PLCB1: variants seen among roughly 807,000 people sequenced by gnomAD.
PLCB1 encodes the protein 1-phosphatidylinositol 4,5-bisphosphate phosphodiesterase beta-1.
A neutral mutation model predicts 161.8 loss-of-function variants in PLCB1; 46 were observed. The ratio of observed to expected loss-of-function variants is 0.28; its 90% CI spans 0.22 to 0.36. The LOEUF (loss-of-function observed/expected upper bound fraction) is 0.36. Ranked by LOEUF, PLCB1 falls within the 10% of genes least tolerant of loss-of-function variation. The probability of loss-of-function intolerance (pLI) is 1.00; values close to 1 mark genes in which losing one functional copy is unlikely to be tolerated. For missense variants in PLCB1, 1,016 were observed against 1,472.5 expected, an observed-to-expected ratio of 0.69 and a Z score of 5.07; for synonymous variants, 517 against 503.7, an observed-to-expected ratio of 1.03 and a Z score of -0.35.
At chr20:8,136,499 G>T (rs560134666) in intron 1 of PLCB1, among the ~76,000 whole-genome samples, 1 of 151,960 alleles carries the variant, frequency 6.6e-6, no homozygotes, top group South Asian at 2.1e-4. Context: ...GGTGGCGGGC[G>T]CCTGTAGTCC....
chr20:8,834,641 C>T (rs925413069), intron 31 of PLCB1, among the ~76,000 whole-genome samples: 6 of 151,702 alleles, frequency 4.0e-5, no homozygotes, highest in African/African-American at 1.5e-4. Flanking sequence ...ATGGTGAAAC[C>T]CCATCTCTAT....
intron 2 of PLCB1, among the ~76,000 whole-genome samples, chr20:8,189,881 G>C (rs886435825): frequency 6.6e-6 from 1 of 151,940 alleles, no homozygotes; most frequent in African/African-American, 2.4e-5. Context: ...CATGTTTCAA[G>C]GGAATGTTTT....
rs151144730 is a variant in PLCB1 at position 8,792,737 on chromosome 20, G to A, written c.3423+2476G>A. 2,592 of 430,588 alleles carry A rather than the reference G, an allele frequency of 6.0e-3. 120 individuals carry two copies. In the Admixed American group the frequency reaches 0.073, roughly 12 times the overall value. The allele number at this position is 430,588 out of a possible 1,614,324, so 26.7% of individuals were successfully genotyped here. ...GGGTTTTTCTTCATGGCTTAAAAACGTTGTGCCTTAAAGCTGTGATTTTAT... is the reference window on the plus strand; with the variant it reads ...GGGTTTTTCTTCATGGCTTAAAAACATTGTGCCTTAAAGCTGTGATTTTAT... On this transcript the variant is annotated intron_variant, in intron 31 of 31. Transcript: ENST00000338037.
At chr20:8,672,613 G>T (rs1335644744) in intron 9 of PLCB1, among the ~76,000 whole-genome samples, 1 of 152,038 alleles carries the variant, frequency 6.6e-6, no homozygotes, top group Non-Finnish European at 1.5e-5. Flanking sequence ...GAGCCTCAGT[G>T]GGGGCCCTTC....
intron 25 of PLCB1, among the ~76,000 whole-genome samples, chr20:8,761,813 C>T (rs1046803943): frequency 2.6e-5 from 4 of 151,378 alleles, no homozygotes; most frequent in Admixed American, 1.3e-4. Flanking sequence ...AGGCTGGTCT[C>T]GAACTCCTGA....
chr20:8,486,985 A>G (rs889865831), intron 3 of PLCB1, among the ~76,000 whole-genome samples: 1 of 152,240 alleles, frequency 6.6e-6, no homozygotes, highest in African/African-American at 2.4e-5. Context: ...GAACTCCACC[A>G]TAGAAATGAA....
chr20:8,817,961 A>G (rs1985156145), intron 31 of PLCB1, among the ~76,000 whole-genome samples: 1 of 152,248 alleles, frequency 6.6e-6, no homozygotes, highest in African/African-American at 2.4e-5. Context: ...TAGTTATAGC[A>G]ACAGAAAGAG....
chr20:8,143,657 G>C (rs1451938066), intron 1 of PLCB1, among the ~76,000 whole-genome samples: 2 of 152,216 alleles, frequency 1.3e-5, no homozygotes, highest in African/African-American at 4.8e-5. Flanking sequence ...ATGAGTAGAA[G>C]AATGTGTCAG....
At chr20:8,610,772 C>A (rs905104662) in intron 3 of PLCB1, among the ~76,000 whole-genome samples, 34 of 151,992 alleles carry the variant, frequency 2.2e-4, no homozygotes, top group African/African-American at 8.2e-4. Context: ...ATGTAAGAAA[C>A]CATTGCCTAA....
At chr20:8,391,319 T>C (rs1987579341) in intron 3 of PLCB1, among the ~76,000 whole-genome samples, 1 of 152,156 alleles carries the variant, frequency 6.6e-6, no homozygotes. Context: ...CAGAGAACTA[T>C]CACAGCAATA....
intron 2 of PLCB1, among the ~76,000 whole-genome samples, chr20:8,311,580 C>T (rs1225899948): frequency 6.6e-6 from 1 of 152,174 alleles, no homozygotes. Context: ...AATCTTGTTT[C>T]TCAGGGTGAG....
At chr20:8,565,303 C>A (rs1370791820) in intron 3 of PLCB1, among the ~76,000 whole-genome samples, 2 of 151,954 alleles carry the variant, frequency 1.3e-5, no homozygotes, top group East Asian at 3.9e-4. Flanking sequence ...CACACGGACA[C>A]AGGAAGGGGA....
At chr20:8,508,985 T>G (rs1243720566) in intron 3 of PLCB1, among the ~76,000 whole-genome samples, 3 of 152,168 alleles carry the variant, frequency 2.0e-5, no homozygotes, top group Admixed American at 2.0e-4. Context: ...AAAAATTCTT[T>G]CAGATAATGC....
chr20:8,410,264 C>T (rs188147413), intron 3 of PLCB1, among the ~76,000 whole-genome samples: 15 of 152,228 alleles, frequency 9.9e-5, no homozygotes, highest in Admixed American at 5.2e-4. Context: ...AACATCCTAA[C>T]ACATGAGTCT....
rs552914118 is a variant in PLCB1 at position 8,632,114 on chromosome 20, C to T, written c.384+3683C>T. On this transcript the variant is annotated intron_variant, in intron 4 of 31. Coordinates refer to ENST00000338037, the MANE Select transcript of PLCB1 (RefSeq NM_015192.4). ...TTTGTTGCAAATAAAATATGTTCCC[C>T]TGAAAGGCCATAATTTTGACTCTTT... Among the ~76,000 whole-genome samples, 70 of 134,902 alleles carry T rather than the reference C, an allele frequency of 5.2e-4. 2 individuals are homozygous for T. In the South Asian group the frequency reaches 0.017, roughly 33 times the overall value. 88.5% of individuals were successfully genotyped at this position (134,902 alleles called of 152,430 possible). A position where few individuals can be genotyped will look rare whatever the true frequency, so the allele number is the denominator to read the frequency against.
chr20:8,612,073 A>G (rs553831872), intron 3 of PLCB1, among the ~76,000 whole-genome samples: 5 of 152,254 alleles, frequency 3.3e-5, no homozygotes, highest in African/African-American at 1.2e-4. Context: ...CTGTGCTCCA[A>G]AAGCATTTAT....
intron 1 of PLCB1, among the ~76,000 whole-genome samples, chr20:8,141,537 C>A (rs1217372414): frequency 2.0e-5 from 3 of 149,500 alleles, no homozygotes; most frequent in Admixed American, 6.7e-5. Flanking sequence ...GCAGAAGAAT[C>A]ACTTAAACCC....
intron 4 of PLCB1, among the ~76,000 whole-genome samples, chr20:8,639,004 C>A (rs1032027420): frequency 6.7e-6 from 1 of 149,840 alleles, no homozygotes; most frequent in African/African-American, 2.5e-5. Flanking sequence ...TAGCCGGAAC[C>A]CTGAAGGTAG....
intron 2 of PLCB1, among the ~76,000 whole-genome samples, chr20:8,354,870 A>G (rs182042729): frequency 1.5e-3 from 231 of 152,352 alleles, no homozygotes; most frequent in African/African-American, 5.3e-3. Context: ...TTCCATACAC[A>G]TAGGAATATA....
Sources: gnomAD v4.1 joint callset for allele counts (sites outside exome capture counted in the v4.1 genomes callset) on GRCh38, gnomAD v4.1.1 for gene constraint, MANE v1.5 for transcripts, NCBI Gene and HGNC (gene_info 2026-07-23, HGNC 2026-07-21) for gene names.